Variants in TAOK3 observed in about 807,000 individuals in gnomAD.
The protein encoded by TAOK3 is serine/threonine-protein kinase TAO3.
TAOK3 carries 40 observed loss-of-function variants against 120.4 expected under a neutral mutation model. That is an observed-to-expected ratio of 0.33 (90% CI 0.26 to 0.43). The LOEUF is 0.43. Ranked by LOEUF, TAOK3 falls within the 20% of genes least tolerant of loss-of-function variation. The pLI, the probability that TAOK3 is intolerant of heterozygous loss-of-function variation, is 1.00. For missense variants in TAOK3, 821 were observed against 1,112.1 expected (o/e 0.74, Z 3.72); for synonymous variants, 355 against 387.5 (o/e 0.92, Z 0.99).
intron 1 of TAOK3, among the ~76,000 whole-genome samples, chr12:118,311,752 G>A (rs1469546784): frequency 1.3e-5 from 2 of 152,134 alleles, no homozygotes; most frequent in East Asian, 3.8e-4. Flanking sequence ...ATATAGCAAT[G>A]GATGCTGTGT....
At chr12:118,340,991 A>ATTTTTTTTTTTTTTTTTTT (rs201372454) in intron 1 of TAOK3, among the ~76,000 whole-genome samples, 1 of 146,824 alleles carries the variant, frequency 6.8e-6, no homozygotes. Flanking sequence ...TAATATATCT[A>ATTTTTTTTTTTTTTTTTTT]ATTTTTTTTT....
intron 1 of TAOK3, among the ~76,000 whole-genome samples, chr12:118,310,783 G>T (rs2043231711): frequency 1.3e-5 from 2 of 152,124 alleles, no homozygotes; most frequent in South Asian, 4.1e-4. Flanking sequence ...TATGGAGGAA[G>T]GATTTAAAGT....
intron 1 of TAOK3, among the ~76,000 whole-genome samples, chr12:118,298,977 T>A (rs1281085861): frequency 6.6e-6 from 1 of 152,168 alleles, no homozygotes; most frequent in African/African-American, 2.4e-5. Flanking sequence ...TCCCTAGCTT[T>A]CATATTTGTT....
At chr12:118,234,873 G>C (rs1324513088) in intron 8 of TAOK3, among the ~76,000 whole-genome samples, 2 of 152,172 alleles carry the variant, frequency 1.3e-5, no homozygotes, top group Non-Finnish European at 2.9e-5. Flanking sequence ...AGGAGGGCAG[G>C]GGCCCTATCT....
chr12:118,275,894 T>C (rs2041884675), intron 1 of TAOK3, among the ~76,000 whole-genome samples: 1 of 152,166 alleles, frequency 6.6e-6, no homozygotes, highest in South Asian at 2.1e-4. Context: ...GAGTAAGCCC[T>C]GAAGGTCCTG....
chr12:118,335,203 C>T (rs910519059), intron 1 of TAOK3, among the ~76,000 whole-genome samples: 4 of 148,368 alleles, frequency 2.7e-5, no homozygotes, highest in South Asian at 2.1e-4. Flanking sequence ...AAAAAAAAAT[C>T]TGTTTCAAGA....
At chr12:118,174,629 G>A (rs1239721962) in intron 16 of TAOK3, among the ~76,000 whole-genome samples, 1 of 152,028 alleles carries the variant, frequency 6.6e-6, no homozygotes, top group African/African-American at 2.4e-5. Flanking sequence ...GTGGACGCGT[G>A]GAGTTAGAAA....
chr12:118,301,336 T>C (rs1402013900), intron 1 of TAOK3, among the ~76,000 whole-genome samples: 1 of 152,112 alleles, frequency 6.6e-6, no homozygotes, highest in African/African-American at 2.4e-5. Flanking sequence ...AACCAAAAAC[T>C]CTAGCACTTA....
At chr12:118,297,485 C>T (rs569332371) in intron 1 of TAOK3, among the ~76,000 whole-genome samples, 1 of 152,286 alleles carries the variant, frequency 6.6e-6, no homozygotes, top group South Asian at 2.1e-4. Flanking sequence ...TGAATGTCAC[C>T]ACCTCAGAGA....
At chr12:118,269,327 A>T (rs2041599988) in intron 1 of TAOK3, among the ~76,000 whole-genome samples, 1 of 150,678 alleles carries the variant, frequency 6.6e-6, no homozygotes, top group Admixed American at 6.6e-5. Context: ...ATGCTGGGCT[A>T]ATTATCCTCT....
chr12:118,308,866 G>T (rs2043151171), intron 1 of TAOK3, among the ~76,000 whole-genome samples: 1 of 141,338 alleles, frequency 7.1e-6, no homozygotes, highest in Admixed American at 7.6e-5. Flanking sequence ...GGAGGCGGAG[G>T]TTGCAGTGAC....
At chr12:118,229,948 A>C (rs1484495851) in intron 9 of TAOK3, among the ~76,000 whole-genome samples, 2 of 151,996 alleles carry the variant, frequency 1.3e-5, no homozygotes, top group Non-Finnish European at 2.9e-5. Context: ...AATAATAATA[A>C]CACTTACATA....
Position 118,371,783 on chromosome 12 carries a change from C to T in TAOK3, c.-194+865G>A, listed in dbSNP as rs2045903092. Among the ~76,000 whole-genome samples, 1 of 152,080 alleles carries T rather than the reference C, an allele frequency of 6.6e-6. No individual in the cohort carries two copies. Among genetic ancestry groups the T allele is most frequent in the Non-Finnish European group, 1.5e-5 (1 of 67,970 alleles). On this transcript the variant is annotated intron_variant, in intron 1 of 20. Transcript: ENST00000392533. This position sits in a 1 kb window ranked among gnomAD's most constrained non-coding sequence, Gnocchi z 5.5. ...ATGTGACTGGGGGCCCGACCCGCAC[C>T]CATGGGGCACCGCTCCTCCCTCGGG... is the stretch of plus-strand genomic sequence containing the variant.
intron 1 of TAOK3, among the ~76,000 whole-genome samples, chr12:118,272,278 C>A (rs1406288616): frequency 5.3e-5 from 6 of 112,456 alleles, no homozygotes; most frequent in East Asian, 2.5e-4. Flanking sequence ...GGTGACAGAG[C>A]AAGACTCCAT....
intron 17 of TAOK3, among the ~76,000 whole-genome samples, chr12:118,168,382 G>A (rs766538941): frequency 3.3e-5 from 5 of 152,182 alleles, no homozygotes; most frequent in African/African-American, 4.8e-5. Context: ...GTAACTATGC[G>A]GAGGTAATGG....
At chr12:118,258,078 G>A (rs951049294) in intron 2 of TAOK3, among the ~76,000 whole-genome samples, 5 of 152,120 alleles carry the variant, frequency 3.3e-5, no homozygotes, top group African/African-American at 7.2e-5. Context: ...ATGTGAAAAA[G>A]CATGCCTTTT....
At chr12:118,358,409 C>T (rs549455031) in intron 1 of TAOK3, among the ~76,000 whole-genome samples, 3 of 152,300 alleles carry the variant, frequency 2.0e-5, no homozygotes, top group South Asian at 4.1e-4. Flanking sequence ...GCTTTCTATA[C>T]TATTTTCCCT....
At chr12:118,188,923 A>AGTGTGTGTGTGT (rs35868707) in intron 14 of TAOK3, among the ~76,000 whole-genome samples, 2 of 150,884 alleles carry the variant, frequency 1.3e-5, no homozygotes, top group African/African-American at 4.9e-5. Context: ...AAACGATGTG[A>AGTGTGTGTGTGT]GTGTGTGTGT....
At chr12:118,195,878 G>A (rs750651951) in intron 13 of TAOK3, among the ~76,000 whole-genome samples, 88 of 152,066 alleles carry the variant, frequency 5.8e-4, no homozygotes, top group Non-Finnish European at 9.7e-4. Context: ...GTGAAACCCT[G>A]TCTCTACTAA....
Sources: allele counts gnomAD v4.1 joint callset (sites outside exome capture counted in the v4.1 genomes callset), GRCh38; gene constraint gnomAD v4.1.1; non-coding constraint Gnocchi (gnomAD v3.1); transcripts MANE v1.5; gene names NCBI Gene and HGNC (gene_info 2026-07-23, HGNC 2026-07-21).